FSTL5: variants seen among roughly 807,000 people sequenced by gnomAD.
FSTL5 encodes the protein follistatin-related protein 5.
A neutral mutation model predicts 89.1 loss-of-function variants in FSTL5; 62 were observed. The ratio of observed to expected loss-of-function variants is 0.70; its 90% CI spans 0.57 to 0.86. The LOEUF (loss-of-function observed/expected upper bound fraction) is 0.86, where lower values mean the gene tolerates loss of function less well. Ranked by LOEUF, FSTL5 falls within the 40% of genes least tolerant of loss-of-function variation. The probability of loss-of-function intolerance (pLI) is 0.00; values close to 1 mark genes in which losing one functional copy is unlikely to be tolerated. For synonymous variants in FSTL5, 383 were observed against 346.2 expected (o/e 1.11, Z -1.18); for missense variants, 1,057 against 1,001.6 (o/e 1.06, Z -0.75).
intron 8 of FSTL5, among the ~76,000 whole-genome samples, chr4:161,584,387 T>C (rs1383366737): frequency 6.6e-6 from 1 of 152,236 alleles, no homozygotes; most frequent in East Asian, 1.9e-4. Context: ...TTCTGTGAAT[T>C]AGATCACATC....
At chr4:161,803,621 A>G (rs1287887733) in intron 4 of FSTL5, among the ~76,000 whole-genome samples, 1 of 151,932 alleles carries the variant, frequency 6.6e-6, no homozygotes, top group Admixed American at 6.6e-5. Context: ...ATTACCCAAA[A>G]TACTCATATT....
chr4:161,784,515 A>C (rs1212571540), intron 4 of FSTL5, among the ~76,000 whole-genome samples: 1 of 152,184 alleles, frequency 6.6e-6, no homozygotes, highest in Non-Finnish European at 1.5e-5. Context: ...TTTAACACTA[A>C]ACATCTTCTC....
intron 1 of FSTL5, among the ~76,000 whole-genome samples, chr4:162,150,586 A>T (rs1733188279): frequency 6.6e-6 from 1 of 152,206 alleles, no homozygotes; most frequent in Admixed American, 6.5e-5. Context: ...ACCAGAAAAA[A>T]ACATTAAAAC....
rs192161579 is a variant in FSTL5 at position 161,776,380 on chromosome 4, C to T, written c.410-306G>A. On this transcript the variant is annotated intron_variant, in intron 4 of 15. Transcript: ENST00000306100. ...CCAGCTGGAAATTTATTTCAACGTTCAAATTTATTGTCTTAGTTTTTATCC... is the reference window on the plus strand; with the variant it reads ...CCAGCTGGAAATTTATTTCAACGTTTAAATTTATTGTCTTAGTTTTTATCC... Among the ~76,000 whole-genome samples the T allele has an allele frequency of 4.8e-3, 729 of 151,994 alleles. 2 individuals are homozygous for T. The highest frequency in any genetic ancestry group is 8.1e-3 in the Non-Finnish European group (549 of 67,884).
chr4:161,965,064 T>C (rs1398340126), intron 3 of FSTL5, among the ~76,000 whole-genome samples: 3 of 152,142 alleles, frequency 2.0e-5, no homozygotes, highest in Non-Finnish European at 2.9e-5. Context: ...AAAAGGGAAC[T>C]GATAATTCGT....
chr4:161,522,988 T>G (rs1731090632), intron 10 of FSTL5, among the ~76,000 whole-genome samples: 1 of 152,088 alleles, frequency 6.6e-6, no homozygotes, highest in African/African-American at 2.4e-5. Context: ...ATCAAAGGAA[T>G]AATAGCAATA....
chr4:161,656,234 A>G, intron 7 of FSTL5, 94 bp downstream of exon 7: 1 of 589,606 alleles, frequency 1.7e-6, no homozygotes. Flanking sequence ...TTTACTCTGC[A>G]TCCAATATTC....
At chr4:161,941,040 C>A (rs1049368769) in intron 3 of FSTL5, among the ~76,000 whole-genome samples, 4 of 151,396 alleles carry the variant, frequency 2.6e-5, no homozygotes, top group Non-Finnish European at 5.9e-5. Context: ...TGAAGCTGTA[C>A]GAAAAAGTGT....
intron 4 of FSTL5, among the ~76,000 whole-genome samples, chr4:161,817,140 A>G (rs1364346173): frequency 6.6e-6 from 1 of 152,242 alleles, no homozygotes; most frequent in African/African-American, 2.4e-5. Context: ...ATGATTAGTC[A>G]TGTAAGAAGA....
intron 6 of FSTL5, chr4:161,664,848 T>C (rs866967777): frequency 4.4e-5 from 8 of 181,048 alleles, no homozygotes; most frequent in Middle Eastern, 4.8e-3. Context: ...CTCAGAATCA[T>C]TGTGGGAGGT....
At chr4:161,456,079 G>A (rs17041086) in intron 14 of FSTL5, among the ~76,000 whole-genome samples, 8,531 of 152,048 alleles carry the variant, frequency 0.056, 672 homozygotes, top group African/African-American at 0.18. Flanking sequence ...GAGTTCCATC[G>A]GAATCCCTCC....
At chr4:162,149,896 A>T (rs1247155344) in intron 1 of FSTL5, among the ~76,000 whole-genome samples, 1 of 152,156 alleles carries the variant, frequency 6.6e-6, no homozygotes, top group Non-Finnish European at 1.5e-5. Context: ...CCTGAAATAG[A>T]AGTTTCACTA....
intron 8 of FSTL5, among the ~76,000 whole-genome samples, chr4:161,562,322 A>C (rs1451077081): frequency 6.6e-6 from 1 of 151,914 alleles, no homozygotes; most frequent in African/African-American, 2.4e-5. Context: ...AGATCCTTTG[A>C]ATTTCCTCAT....
chr4:161,490,496 T>C (rs1448485068), intron 12 of FSTL5, among the ~76,000 whole-genome samples: 1 of 152,164 alleles, frequency 6.6e-6, no homozygotes, highest in Admixed American at 6.5e-5. Context: ...GACTGCTGGA[T>C]TATCCACATT....
chr4:161,392,183 C>T (rs1410604603), intron 15 of FSTL5, among the ~76,000 whole-genome samples: 6 of 151,962 alleles, frequency 3.9e-5, no homozygotes, highest in Non-Finnish European at 8.8e-5. Context: ...TCTACCACTT[C>T]TAGTGAGTAA....
intron 6 of FSTL5, among the ~76,000 whole-genome samples, chr4:161,703,000 T>A (rs534775403): frequency 6.6e-6 from 1 of 152,202 alleles, no homozygotes; most frequent in African/African-American, 2.4e-5. Flanking sequence ...ATCTAGTTGA[T>A]GTCCTTATAA....
intron 1 of FSTL5, among the ~76,000 whole-genome samples, chr4:162,122,865 T>A (rs1227773431): frequency 6.6e-6 from 1 of 152,130 alleles, no homozygotes. Context: ...TTTTAAAAGT[T>A]TGAAAATCAT....
chr4:162,059,853 G>C (rs1738664665), intron 2 of FSTL5, among the ~76,000 whole-genome samples: 3 of 152,132 alleles, frequency 2.0e-5, no homozygotes, highest in South Asian at 4.1e-4. Flanking sequence ...CTGACACACA[G>C]ATGTCTGACT....
At chr4:161,795,533 G>A (rs1280330138) in intron 4 of FSTL5, among the ~76,000 whole-genome samples, 8 of 152,044 alleles carry the variant, frequency 5.3e-5, no homozygotes, top group African/African-American at 1.9e-4. Flanking sequence ...TATATTTAAT[G>A]TGTTCAACAT....
Sources: allele counts gnomAD v4.1 joint callset (sites outside exome capture counted in the v4.1 genomes callset), GRCh38; gene constraint gnomAD v4.1.1; transcripts MANE v1.5; gene names NCBI Gene and HGNC (gene_info 2026-07-23, HGNC 2026-07-21).